The following SAMD7 variants were observed in gnomAD, a reference collection of about 807,000 sequenced individuals.
SAMD7 encodes sterile alpha motif domain-containing protein 7.
In SAMD7, 34 loss-of-function variants were observed where a neutral mutation model predicts 36.7. The observed-to-expected ratio is 0.93, with a 90% CI of 0.71 to 1.23. SAMD7 has a LOEUF of 1.23. SAMD7 is among the 50% of genes most tolerant of loss of function. The pLI, the probability that SAMD7 is intolerant of heterozygous loss-of-function variation, is 0.00. For missense variants in SAMD7, 570 were observed against 546.6 expected, an observed-to-expected ratio of 1.04 and a Z score of -0.43; for synonymous variants, 188 against 189.7, an observed-to-expected ratio of 0.99 and a Z score of 0.07.
intron 2 of SAMD7, among the ~76,000 whole-genome samples, chr3:169,916,313 T>C (rs1272760798): frequency 6.6e-6 from 1 of 152,194 alleles, no homozygotes; most frequent in African/African-American, 2.4e-5. Context: ...AAGTTTCTTT[T>C]ATGCTAGACG....
intron 2 of SAMD7, among the ~76,000 whole-genome samples, chr3:169,919,164 A>G (rs1373751502): frequency 6.6e-6 from 1 of 152,076 alleles, no homozygotes; most frequent in East Asian, 1.9e-4. Flanking sequence ...CAACAACAAC[A>G]AAAAAGAAAG....
At chr3:169,917,710 C>A (rs1474312480) in intron 2 of SAMD7, among the ~76,000 whole-genome samples, 1 of 151,858 alleles carries the variant, frequency 6.6e-6, no homozygotes, top group East Asian at 1.9e-4. Flanking sequence ...TGCACAATCT[C>A]GGCTCACTGC....
rs141108267 is a variant in SAMD7 at position 169,917,772 on chromosome 3, G to A, written c.-41-1686G>A. ...TTCTCCTGCCTCAGCTTCCTGAGTA[G>A]CTGAGACTACAGGCGCCCGCCACCA... On this transcript the variant is annotated intron_variant, in intron 2 of 8. Transcript: ENST00000335556. Among the ~76,000 whole-genome samples the A allele has an allele frequency of 6.4e-4, 98 of 152,104 alleles. 1 individual carries two copies. The highest frequency in any genetic ancestry group is 2.3e-3 in the African/African-American group (94 of 41,462).
At chr3:169,936,286 CT>C in intron 7 of SAMD7, 52 bp from the exon 8 acceptor site, 1 of 1,200,580 alleles carries the variant, frequency 8.3e-7, no homozygotes, top group South Asian at 1.3e-5. Flanking sequence ...GGTAAAAGAA[CT>C]TTTTCAAAAA....
intron 8 of SAMD7, among the ~76,000 whole-genome samples, chr3:169,937,939 T>G: frequency 6.6e-6 from 1 of 152,190 alleles, no homozygotes; most frequent in East Asian, 1.9e-4. Flanking sequence ...TGTGTCAGTC[T>G]TCTGCTCAAG....
Position 169,926,544 on chromosome 3 carries a change from T to TG in SAMD7, c.291-8dup. On this transcript the variant is annotated splice_polypyrimidine_tract_variant and intron_variant, in intron 5 of 8. Transcript: ENST00000335556. ...TTGGGCTGTATAAAATATATTGTTTTGTTTTTAGGACAGAAATGGAAATGT... is the reference window on the plus strand; with the variant it reads ...TTGGGCTGTATAAAATATATTGTTTTGGTTTTTAGGACAGAAATGGAAATGT... The TG allele has an allele frequency of 6.3e-7, 1 of 1,597,388 alleles. No individual in the cohort carries two copies. Among genetic ancestry groups the TG allele is most frequent in the East Asian group, 2.2e-5 (1 of 44,610 alleles).
chr3:169,926,253 A>C, intron 5 of SAMD7: 1 of 1,343,188 alleles, frequency 7.4e-7, no homozygotes, highest in Non-Finnish European at 9.8e-7. Flanking sequence ...TTTTTTGAGG[A>C]TTAATCTCTG....
chr3:169,935,693 C>T lies in SAMD7; in HGVS notation c.1042-646C>T, dbSNP rs373629057. 7.2e-4 allele frequency among the ~76,000 whole-genome samples: 110 copies of T among 152,288 alleles called. 2 individuals carry two copies. The South Asian group carries it at 0.021, about 30-fold the overall frequency. ...GTTGAAGTTGAAGATCATGAAATTA[C>T]GGTCCTATCAATCTGCCTAGATTTT... On this transcript the variant is annotated intron_variant, in intron 7 of 8. Coordinates refer to ENST00000335556, the MANE Select transcript of SAMD7 (RefSeq NM_001304366.2).
chr3:169,922,016 A>T (rs1713066118), intron 4 of SAMD7, among the ~76,000 whole-genome samples: 1 of 152,204 alleles, frequency 6.6e-6, no homozygotes, highest in Non-Finnish European at 1.5e-5. Context: ...AATGACATCA[A>T]AAATTTTGGT....
chr3:169,920,033 A>G (rs1274092370), intron 3 of SAMD7, among the ~76,000 whole-genome samples: 5 of 152,008 alleles, frequency 3.3e-5, no homozygotes, highest in Non-Finnish European at 7.4e-5. Flanking sequence ...CATTAGCCAG[A>G]CATGGTGGTG....
At chr3:169,917,894 G>C (rs1712876678) in intron 2 of SAMD7, among the ~76,000 whole-genome samples, 1 of 151,568 alleles carries the variant, frequency 6.6e-6, no homozygotes, top group South Asian at 2.1e-4. Flanking sequence ...GCCCGCCTCG[G>C]CCTCCCAAAA....
intron 5 of SAMD7, 107 bp downstream of exon 5, chr3:169,925,243 A>C (rs1221876792): frequency 1.1e-5 from 7 of 644,212 alleles, no homozygotes; most frequent in Non-Finnish European, 1.6e-5. Context: ...ATAACAAATA[A>C]ATACACACAC....
chr3:169,937,915 T>A lies in SAMD7; in HGVS notation c.1153-403T>A, dbSNP rs541764530. ...AAAACAGTAAAAGTGGTCCTTTTAA[T>A]ATGTAAGATGGATTGTGTCAGTCTT... On this transcript the variant is annotated intron_variant, in intron 8 of 8. Coordinates refer to ENST00000335556, the MANE Select transcript of SAMD7 (RefSeq NM_001304366.2). 3.9e-5 allele frequency among the ~76,000 whole-genome samples: 6 copies of A among 152,322 alleles called. No homozygotes were observed. The East Asian group carries it at 1.2e-3, about 29-fold the overall frequency.
intron 7 of SAMD7, chr3:169,932,402 T>C (rs1190095401): frequency 4.7e-6 from 3 of 634,388 alleles, no homozygotes; most frequent in Admixed American, 1.8e-5. Flanking sequence ...CGAGACTATG[T>C]AGTGGAAGGG....
intron 1 of SAMD7, among the ~76,000 whole-genome samples, chr3:169,912,346 A>G (rs114804038): frequency 0.016 from 2,462 of 152,318 alleles, 75 homozygotes; most frequent in African/African-American, 0.057. Context: ...AATAAAATCT[A>G]TATTGATATT....
Position 169,919,580 on chromosome 3 carries a change from G to A in SAMD7, c.82G>A (p.Asp28Asn), listed in dbSNP as rs1382691389. The A allele has an allele frequency of 3.1e-6, 5 of 1,607,490 alleles. No individual in the cohort carries two copies. The South Asian group carries it at 4.4e-5, about 14-fold the overall frequency. ...IPSPFGPPTVDRDVLPSTVAP... is the reference protein window; with the variant it reads ...IPSPFGPPTVNRDVLPSTVAP... ...CTCACCATTTGGGCCTCCAACTGTG[G>A]ACAGGTATTTCTCTTCAATATAATA... Residue 28 changes from aspartate (D) to asparagine (N), a missense_variant, in exon 3 of 9, where the codon GAC (aspartate) becomes AAC (asparagine). Physicochemically the swap from Asp to Asn is conservative, Grantham distance 23. Coordinates refer to ENST00000335556, the MANE Select transcript of SAMD7 (RefSeq NM_001304366.2).
intron 4 of SAMD7, among the ~76,000 whole-genome samples, chr3:169,922,051 G>A (rs1713067694): frequency 6.6e-6 from 1 of 152,184 alleles, no homozygotes; most frequent in South Asian, 2.1e-4. Flanking sequence ...AGATGGAGTT[G>A]CTGCTCACTG....
At chr3:169,912,908 G>T (rs1385899804) in intron 1 of SAMD7, among the ~76,000 whole-genome samples, 2 of 152,184 alleles carry the variant, frequency 1.3e-5, no homozygotes, top group Non-Finnish European at 1.5e-5. Flanking sequence ...GAGGGACCCA[G>T]GAGAAGGCCT....
chr3:169,932,178 C>A, intron 7 of SAMD7: 1 of 648,580 alleles, frequency 1.5e-6, no homozygotes, highest in Non-Finnish European at 2.7e-6. Flanking sequence ...CCAAGTTGGA[C>A]CACACGTTGC....
Sources: allele counts gnomAD v4.1 joint callset (sites outside exome capture counted in the v4.1 genomes callset), GRCh38; gene constraint gnomAD v4.1.1; transcripts MANE v1.5; gene names NCBI Gene and HGNC (gene_info 2026-07-23, HGNC 2026-07-21).